The following GALM variants were observed in gnomAD, a reference collection of about 807,000 sequenced individuals.
GALM encodes galactose mutarotase, also known as aldose 1-epimerase.
Under a neutral mutation model 37.4 loss-of-function variants are expected in GALM, and 43 were observed. The ratio of observed to expected loss-of-function variants is 1.15; its 90% CI spans 0.90 to 1.48. The LOEUF (loss-of-function observed/expected upper bound fraction) is 1.48, where lower values mean the gene tolerates loss of function less well. Among genes scored for constraint, GALM ranks in the 40% most tolerant of loss-of-function variants. The probability of loss-of-function intolerance (pLI) is 0.00; values close to 1 mark genes in which losing one functional copy is unlikely to be tolerated. For missense variants in GALM, 456 were observed against 419.1 expected (o/e 1.09, Z -0.77); for synonymous variants, 199 against 170.6 (o/e 1.17, Z -1.30).
At chr2:38,672,809 C>G (rs909983442) in intron 1 of GALM, among the ~76,000 whole-genome samples, 2 of 151,328 alleles carry the variant, frequency 1.3e-5, no homozygotes, top group Admixed American at 6.6e-5. Context: ...GAGTTTGAGA[C>G]CAGCCTGGCC....
intron 3 of GALM, among the ~76,000 whole-genome samples, chr2:38,688,104 C>T (rs187999278): frequency 4.0e-5 from 6 of 151,246 alleles, no homozygotes; most frequent in African/African-American, 1.5e-4. Context: ...CCCAGCTGCT[C>T]GGGAGGCTGA....
intron 4 of GALM, among the ~76,000 whole-genome samples, chr2:38,696,382 G>C (rs537422248): frequency 6.6e-6 from 1 of 151,408 alleles, no homozygotes; most frequent in Non-Finnish European, 1.5e-5. Context: ...GCCTCCCAAA[G>C]TGCTGGGATC....
chr2:38,700,359 T>G (rs1479950083), intron 4 of GALM, among the ~76,000 whole-genome samples: 1 of 152,230 alleles, frequency 6.6e-6, no homozygotes, highest in East Asian at 1.9e-4. Context: ...TTGGTGTCTA[T>G]GTCTCCCTTT....
At chr2:38,671,032 C>A (rs1263756606) in intron 1 of GALM, among the ~76,000 whole-genome samples, 1 of 151,966 alleles carries the variant, frequency 6.6e-6, no homozygotes, top group Admixed American at 6.6e-5. Flanking sequence ...AGGGCCATAT[C>A]CCATGATTAA....
At chr2:38,698,412 C>T in intron 4 of GALM, 1 of 1,303,944 alleles carries the variant, frequency 7.7e-7, no homozygotes, top group Non-Finnish European at 1.0e-6. Context: ...TCCTTTTACC[C>T]ATGGACCAGG....
In GALM at chr2:38,675,939, G is replaced by T; in HGVS notation, c.218G>T (p.Gly73Val). 6.2e-7 allele frequency: 1 copy of T among 1,614,050 alleles called. No homozygotes were observed. The highest frequency in any genetic ancestry group is 8.5e-7 in the Non-Finnish European group (1 of 1,180,006). The change falls in exon 2 of 7, where the codon GGA becomes GTA. Residue 73 changes from glycine to valine, a missense_variant. By Grantham distance (109) the Gly-to-Val change is moderately radical. Transcript: ENST00000272252. ...EGYLQKQPYF[G>V]AVIGRVANRI... is the part of the protein sequence containing the mutation. ...TACCTCCAAAAGCAGCCATACTTTG[G>T]AGCAGTTATTGGGAGGGTGGCCAAC...
At chr2:38,710,341 C>T (rs1666124452) in intron 4 of GALM, among the ~76,000 whole-genome samples, 1 of 152,230 alleles carries the variant, frequency 6.6e-6, no homozygotes, top group South Asian at 2.1e-4. Context: ...CTTCTGCATT[C>T]TGCCAGCACT....
At chr2:38,680,439 G>C (rs1365674096) in intron 2 of GALM, among the ~76,000 whole-genome samples, 2 of 152,080 alleles carry the variant, frequency 1.3e-5, no homozygotes, top group East Asian at 3.8e-4. Flanking sequence ...TTTATTTTAT[G>C]AAAGAGATTA....
chr2:38,697,583 G>T (rs1297073810), intron 4 of GALM, among the ~76,000 whole-genome samples: 2 of 152,184 alleles, frequency 1.3e-5, no homozygotes, highest in Non-Finnish European at 2.9e-5. Context: ...TTTTTCAGGT[G>T]ATGGGAAAAC....
chr2:38,680,007 C>G, intron 2 of GALM: 2 of 453,184 alleles, frequency 4.4e-6, no homozygotes, highest in South Asian at 1.6e-5. Context: ...AAGCAAAATG[C>G]CTTTTATTTA....
chr2:38,730,919 T>TGA (rs1666595333), intron 5 of GALM, among the ~76,000 whole-genome samples: 1 of 101,336 alleles, frequency 9.9e-6, no homozygotes, highest in Non-Finnish European at 2.1e-5. Flanking sequence ...AAACTCCATC[T>TGA]CAAAAAAAAA....
chr2:38,705,467 G>C (rs564666792), intron 4 of GALM, among the ~76,000 whole-genome samples: 1 of 152,360 alleles, frequency 6.6e-6, no homozygotes, highest in South Asian at 2.1e-4. Context: ...AGCAGTTGTA[G>C]AGATAATGCC....
intron 4 of GALM, among the ~76,000 whole-genome samples, chr2:38,703,052 TTTTATATATATA>T (rs1665950859): frequency 3.2e-5 from 1 of 31,664 alleles, no homozygotes; most frequent in African/African-American, 1.1e-4. Context: ...ATATGTGGGA[TTTTATATATATA>T]TATATATATA....
At chr2:38,680,249 T>G (rs1369693347) in intron 2 of GALM, 1 of 264,772 alleles carries the variant, frequency 3.8e-6, no homozygotes, top group Non-Finnish European at 7.5e-6. Context: ...CTTGAATTCC[T>G]GAGCTCAAGC....
At chr2:38,728,555 T>C (rs1666533016) in intron 4 of GALM, among the ~76,000 whole-genome samples, 1 of 151,956 alleles carries the variant, frequency 6.6e-6, no homozygotes, top group Non-Finnish European at 1.5e-5. Context: ...CATGGTGGTG[T>C]GCACCTGTAA....
chr2:38,687,149 C>T (rs572847907), intron 3 of GALM, among the ~76,000 whole-genome samples: 13 of 152,324 alleles, frequency 8.5e-5, no homozygotes, highest in African/African-American at 3.1e-4. Context: ...GCTCCTCTCC[C>T]ACAGTCCCAG....
intron 6 of GALM, 56 bp downstream of exon 6, chr2:38,731,965 G>T: frequency 7.3e-7 from 1 of 1,375,872 alleles, no homozygotes; most frequent in East Asian, 2.3e-5. Context: ...CACACTGTAC[G>T]ACAGAGTTCA....
chr2:38,699,134 G>A (rs80173585), intron 4 of GALM, among the ~76,000 whole-genome samples: 3,360 of 150,200 alleles, frequency 0.022, 131 homozygotes, highest in African/African-American at 0.078. Context: ...GGCTGGTTTC[G>A]AACTCCTAAC....
At chr2:38,730,007 G>C (rs140544743) in intron 5 of GALM, among the ~76,000 whole-genome samples, 2 of 152,220 alleles carry the variant, frequency 1.3e-5, no homozygotes, top group African/African-American at 4.8e-5. Context: ...GGCTGTCACT[G>C]AACTTCCAGA....
Sources: gnomAD v4.1 joint callset for allele counts (sites outside exome capture counted in the v4.1 genomes callset) on GRCh38, gnomAD v4.1.1 for gene constraint, MANE v1.5 for transcripts, NCBI Gene and HGNC (gene_info 2026-07-23, HGNC 2026-07-21) for gene names.